Variants in FAM110B observed in about 807,000 individuals in gnomAD.
FAM110B encodes family with sequence similarity 110 member B.
In FAM110B, 6 loss-of-function variants were observed where a neutral mutation model predicts 20.4. The ratio of observed to expected loss-of-function variants is 0.29; its 90% confidence interval spans 0.16 to 0.58. The LOEUF (loss-of-function observed/expected upper bound fraction) is 0.58, where lower values mean the gene tolerates loss of function less well. Ranked by LOEUF, FAM110B falls within the 20% of genes least tolerant of loss-of-function variation. The probability of loss-of-function intolerance (pLI) is 0.90; values close to 1 mark genes in which losing one functional copy is unlikely to be tolerated. For synonymous variants in FAM110B, 226 were observed against 214.1 expected (o/e 1.06, Z -0.49); for missense variants, 434 against 498.2 (o/e 0.87, Z 1.23).
intron 3 of FAM110B, among the ~76,000 whole-genome samples, chr8:58,117,767 T>A (rs1807252586): frequency 6.6e-6 from 1 of 152,204 alleles, no homozygotes; most frequent in Non-Finnish European, 1.5e-5. Context: ...TCATTATTAT[T>A]ATGTAGTATG....
chr8:58,027,895 G>C (rs1411286944), intron 1 of FAM110B, among the ~76,000 whole-genome samples: 1 of 152,176 alleles, frequency 6.6e-6, no homozygotes, highest in Non-Finnish European at 1.5e-5. Flanking sequence ...GAATAAGGCT[G>C]CTGTGAACAT....
intron 2 of FAM110B, among the ~76,000 whole-genome samples, chr8:58,069,247 T>C (rs1015463612): frequency 6.6e-6 from 1 of 152,222 alleles, no homozygotes; most frequent in Non-Finnish European, 1.5e-5. Flanking sequence ...TATGGAGTGG[T>C]TGAGATCACT....
At chr8:58,073,034 A>G (rs1805944262) in intron 2 of FAM110B, among the ~76,000 whole-genome samples, 2 of 152,232 alleles carry the variant, frequency 1.3e-5, no homozygotes, top group Non-Finnish European at 2.9e-5. Flanking sequence ...ATTGATAAAT[A>G]TTTCAGGGTT....
chr8:58,007,122 G>A (rs1007379593), intron 1 of FAM110B, among the ~76,000 whole-genome samples: 1 of 151,772 alleles, frequency 6.6e-6, no homozygotes, highest in Non-Finnish European at 1.5e-5. Context: ...AGCCCCATGG[G>A]CCTCTTCTCT....
At chr8:58,015,451 A>G (rs1804618512) in intron 1 of FAM110B, among the ~76,000 whole-genome samples, 1 of 152,192 alleles carries the variant, frequency 6.6e-6, no homozygotes, top group Admixed American at 6.5e-5. Context: ...GGATACAGAT[A>G]CTATTGATTA....
chr8:58,015,798 T>C (rs1804625732), intron 1 of FAM110B, among the ~76,000 whole-genome samples: 1 of 150,476 alleles, frequency 6.6e-6, no homozygotes, highest in African/African-American at 2.4e-5. Context: ...TGAGCTGAGA[T>C]TGTGCCACTG....
intron 2 of FAM110B, among the ~76,000 whole-genome samples, chr8:58,067,862 A>G (rs1015076689): frequency 5.9e-5 from 9 of 152,218 alleles, no homozygotes; most frequent in Non-Finnish European, 7.3e-5. Flanking sequence ...GGTTGTATAC[A>G]TAGGCCCCCC....
chr8:58,115,041 A>G (rs1467232732), intron 3 of FAM110B, among the ~76,000 whole-genome samples: 1 of 150,894 alleles, frequency 6.6e-6, no homozygotes, highest in African/African-American at 2.4e-5. Flanking sequence ...TAGTTGGATC[A>G]CTGTAAATTC....
intron 2 of FAM110B, among the ~76,000 whole-genome samples, chr8:58,051,946 A>G (rs549719676): frequency 2.6e-5 from 4 of 152,368 alleles, no homozygotes; most frequent in African/African-American, 4.8e-5. Flanking sequence ...TACTCTGGTA[A>G]GAGGATGTTC....
intron 3 of FAM110B, among the ~76,000 whole-genome samples, chr8:58,088,366 T>G (rs1324439463): frequency 1.3e-5 from 2 of 152,218 alleles, no homozygotes; most frequent in African/African-American, 4.8e-5. Flanking sequence ...AAATGACGCT[T>G]CAAGTCATAT....
chr8:58,118,488 C>T (rs1322983124), intron 3 of FAM110B, among the ~76,000 whole-genome samples: 3 of 152,110 alleles, frequency 2.0e-5, no homozygotes, highest in African/African-American at 7.2e-5. Flanking sequence ...GGAAGATTAG[C>T]GGTGGGAAGT....
intron 1 of FAM110B, among the ~76,000 whole-genome samples, chr8:58,006,375 A>G (rs1234550935): frequency 6.6e-6 from 1 of 152,164 alleles, no homozygotes; most frequent in Admixed American, 6.5e-5. Flanking sequence ...TCAACTACAG[A>G]CACTGGCTTG....
intron 1 of FAM110B, among the ~76,000 whole-genome samples, chr8:58,019,290 A>T (rs904416413): frequency 2.7e-5 from 4 of 148,370 alleles, no homozygotes; most frequent in Admixed American, 2.7e-4. Context: ...GTGAGCCAAG[A>T]TCACACCACT....
chr8:58,117,377 G>A (rs1036634628), intron 3 of FAM110B, among the ~76,000 whole-genome samples: 5 of 152,184 alleles, frequency 3.3e-5, no homozygotes, highest in Non-Finnish European at 7.3e-5. Flanking sequence ...AGAAACCTCA[G>A]CTTTGATACA....
intron 2 of FAM110B, among the ~76,000 whole-genome samples, chr8:58,033,580 T>C (rs1260076712): frequency 2.0e-5 from 3 of 152,000 alleles, no homozygotes; most frequent in African/African-American, 4.8e-5. Flanking sequence ...AAAAACCAAA[T>C]AGCCCCGGTA....
intron 3 of FAM110B, among the ~76,000 whole-genome samples, chr8:58,117,089 T>C (rs1456364375): frequency 6.6e-6 from 1 of 152,160 alleles, no homozygotes; most frequent in African/African-American, 2.4e-5. Flanking sequence ...TTTTATAGCA[T>C]TTTTGTGCCG....
At chr8:58,111,153 A>C (rs1332502530) in intron 3 of FAM110B, among the ~76,000 whole-genome samples, 2 of 152,232 alleles carry the variant, frequency 1.3e-5, no homozygotes, top group Non-Finnish European at 2.9e-5. Context: ...CAAGCCTGTG[A>C]ATCTCTTTTC....
chr8:58,148,613 C>G lies in FAM110B; in HGVS notation c.*1270C>G, dbSNP rs1440148490. 3.6e-5 allele frequency: 6 copies of G among 167,092 alleles called. No homozygotes were observed. The highest frequency in any genetic ancestry group is 1.4e-4 in the African/African-American group (6 of 41,454). The allele number at this position is 167,092 out of a possible 1,614,324, so 10.4% of individuals were successfully genotyped here. On this transcript the variant is annotated 3_prime_UTR_variant, in exon 4 of 4. Coordinates refer to ENST00000519262, the MANE Select transcript of FAM110B (RefSeq NM_001377989.1). ...AGGGAAACCTACAAGTGGTTTGCCT[C>G]ATTGCCTTTGCCACATCTGAAGTTC...
intron 3 of FAM110B, among the ~76,000 whole-genome samples, chr8:58,104,304 G>T (rs758581278): frequency 6.6e-6 from 1 of 152,178 alleles, no homozygotes; most frequent in Non-Finnish European, 1.5e-5. Context: ...AAAGAGGTTT[G>T]CAGAGCACCT....
Sources: allele counts gnomAD v4.1 joint callset (sites outside exome capture counted in the v4.1 genomes callset), GRCh38; gene constraint gnomAD v4.1.1; transcripts MANE v1.5; gene names NCBI Gene and HGNC (gene_info 2026-07-23, HGNC 2026-07-21).